The following LCP2 variants were observed in gnomAD, a reference collection of about 807,000 sequenced individuals.
The protein encoded by LCP2 is 76 kDa tyrosine phosphoprotein.
Under a neutral mutation model 74.5 loss-of-function variants are expected in LCP2, and 29 were observed. The ratio of observed to expected loss-of-function variants is 0.39; its 90% CI spans 0.29 to 0.53. The LOEUF is 0.53. Among genes scored for constraint, LCP2 ranks in the 20% least tolerant of loss-of-function variants. LCP2 has a pLI of 0.72. For missense variants in LCP2, 604 were observed against 634.6 expected (o/e 0.95, Z 0.52); for synonymous variants, 228 against 229.5 (o/e 0.99, Z 0.06).
At chr5:170,250,619 T>G (rs544815620) in intron 20 of LCP2, 111 bp downstream of exon 20, 2 of 827,700 alleles carry the variant, frequency 2.4e-6, no homozygotes, top group Non-Finnish European at 4.1e-6. Flanking sequence ...ACTCATGTGA[T>G]TTAATCCTAA....
At chr5:170,265,627 C>A (rs1414128711) in intron 10 of LCP2, among the ~76,000 whole-genome samples, 1 of 152,156 alleles carries the variant, frequency 6.6e-6, no homozygotes, top group African/African-American at 2.4e-5. Context: ...CTACAGCAGA[C>A]AATTCCAAGC....
intron 8 of LCP2, among the ~76,000 whole-genome samples, chr5:170,267,707 G>A (rs944282131): frequency 9.9e-5 from 15 of 151,946 alleles, no homozygotes; most frequent in African/African-American, 3.6e-4. Context: ...TATGAAAGCA[G>A]GGACCTTATT....
chr5:170,274,549 C>T lies in LCP2; in HGVS notation c.287-211G>A, dbSNP rs567379699. On this transcript the variant is annotated intron_variant, in intron 5 of 20. Transcript: ENST00000046794. ...ATTCTACCAGAGAACCAGGGGGTGG[C>T]GATGGTTCTCAACCTTTCTCGTGTG... Among the ~76,000 whole-genome samples, 19 of 152,220 alleles carry T rather than the reference C, an allele frequency of 1.2e-4. No individual in the cohort carries two copies. In the East Asian group the frequency reaches 3.1e-3, roughly 25 times the overall value.
intron 19 of LCP2, chr5:170,251,454 T>C (rs114200537): frequency 0.015 from 3,601 of 234,454 alleles, 43 homozygotes; most frequent in Middle Eastern, 0.042. Flanking sequence ...ACTGTTTTGA[T>C]TGTCCTGTAC....
chr5:170,266,233 A>G (rs971678460), intron 10 of LCP2, among the ~76,000 whole-genome samples: 1 of 152,228 alleles, frequency 6.6e-6, no homozygotes, highest in Non-Finnish European at 1.5e-5. Context: ...GCACTGTGGT[A>G]TACCCAATGT....
intron 3 of LCP2, among the ~76,000 whole-genome samples, chr5:170,286,938 C>T (rs1018357488): frequency 1.3e-5 from 2 of 152,172 alleles, no homozygotes; most frequent in Non-Finnish European, 2.9e-5. Flanking sequence ...ATATGTAGCC[C>T]TTAGGTGTGT....
chr5:170,275,763 A>G, intron 4 of LCP2, 32 bp downstream of exon 4: 4 of 1,552,620 alleles, frequency 2.6e-6, no homozygotes, highest in Non-Finnish European at 3.5e-6. Flanking sequence ...GGACTGAAAA[A>G]TCTTGCGTTT....
chr5:170,273,370 A>C (rs930107623), intron 6 of LCP2, among the ~76,000 whole-genome samples: 9 of 151,960 alleles, frequency 5.9e-5, no homozygotes, highest in Non-Finnish European at 8.8e-5. Flanking sequence ...AAATTCCTTC[A>C]TTTTCAGGTA....
rs1282354113 is a variant in LCP2, at chr5:170,248,464, T to A, written c.*233A>T. On this transcript the variant is annotated 3_prime_UTR_variant, in exon 21 of 21. Coordinates refer to ENST00000046794, the MANE Select transcript of LCP2 (RefSeq NM_005565.5). ...GAATTATTACAGTGCACTACTAGAC[T>A]TCAAGTGTGAACATGACTCATGCAC... is the stretch of plus-strand genomic sequence containing the variant. The A allele has an allele frequency of 4.8e-6, 2 of 420,918 alleles. No homozygotes were observed. The highest frequency in any genetic ancestry group is 4.3e-5 in the African/African-American group (2 of 46,992). 26.1% of individuals were successfully genotyped at this position (420,918 alleles called of 1,614,324 possible).
chr5:170,256,161 A>G lies in LCP2; in HGVS notation c.1150+365T>C, dbSNP rs1373712664. 2.0e-5 allele frequency among the ~76,000 whole-genome samples: 3 copies of G among 152,076 alleles called. No homozygotes were observed. Among genetic ancestry groups the G allele is most frequent in the African/African-American group, 7.2e-5 (3 of 41,410 alleles). The stretch of plus-strand genomic sequence containing the variant: ...TGGTGAAGTGTGTGTAGGTGTGTCC[A>G]TGTATGTATGTGTGTATGCATGTGC... On this transcript the variant is annotated intron_variant, in intron 17 of 20. Coordinates refer to ENST00000046794, the MANE Select transcript of LCP2 (RefSeq NM_005565.5). The surrounding 1 kb of genome is among the most constrained non-coding windows in gnomAD (Gnocchi z 4.5).
chr5:170,278,572 G>A (rs951259116), intron 3 of LCP2, among the ~76,000 whole-genome samples: 1 of 151,850 alleles, frequency 6.6e-6, no homozygotes, highest in Non-Finnish European at 1.5e-5. Context: ...AGGCCTCACT[G>A]AAGAGGTGAC....
At chr5:170,255,991 C>G (rs1221197536) in intron 17 of LCP2, among the ~76,000 whole-genome samples, 2 of 152,206 alleles carry the variant, frequency 1.3e-5, no homozygotes, top group Non-Finnish European at 2.9e-5. Flanking sequence ...TTTGAACATG[C>G]TCCCCAACTC....
chr5:170,248,610 C>T lies in LCP2; in HGVS notation c.*87G>A. 1.4e-6 allele frequency: 2 copies of T among 1,456,510 alleles called. No homozygotes were observed. The highest frequency in any genetic ancestry group is 1.9e-6 in the Non-Finnish European group (2 of 1,050,112). 90.2% of individuals were successfully genotyped at this position (1,456,510 alleles called of 1,614,324 possible). A position where few individuals can be genotyped will look rare whatever the true frequency, so the allele number is the denominator to read the frequency against. ...TCATGGGGAGGGGTTCAGTTCAGTC[C>T]TAAGTGTTTGTCCATTGACCAAGGC... On this transcript the variant is annotated 3_prime_UTR_variant, in exon 21 of 21. Coordinates refer to ENST00000046794, the MANE Select transcript of LCP2 (RefSeq NM_005565.5).
intron 3 of LCP2, among the ~76,000 whole-genome samples, chr5:170,281,357 G>C (rs1762097369): frequency 6.6e-6 from 1 of 151,984 alleles, no homozygotes; most frequent in South Asian, 2.1e-4. Context: ...TTGGCTCACT[G>C]CAAGTTCTGC....
chr5:170,267,338 T>C (rs1761784327), intron 8 of LCP2: 1 of 556,294 alleles, frequency 1.8e-6, no homozygotes, highest in South Asian at 2.2e-5. Flanking sequence ...AGAAACAAAA[T>C]TGAAACTCGT....
In LCP2 at chr5:170,272,597, C is replaced by CTTTTTTTTTTTTTT. The variant is rs61463939; in HGVS notation, c.324+1690_325-1681dup. ...ATAACTGTAACCCATCAAATATTTT[C>CTTTTTTTTTTTTTT]TTTTTTTTTTTTTTTTTTTTTTTTT... On this transcript the variant is annotated intron_variant, in intron 6 of 20. Coordinates refer to ENST00000046794, the MANE Select transcript of LCP2 (RefSeq NM_005565.5). 4.2e-3 allele frequency among the ~76,000 whole-genome samples: 169 copies of CTTTTTTTTTTTTTT among 40,354 alleles called. 51 individuals are homozygous for CTTTTTTTTTTTTTT. The highest frequency in any genetic ancestry group is 0.028 in the East Asian group (22 of 790). 26.5% of individuals were successfully genotyped at this position (40,354 alleles called of 152,430 possible).
At position 170,274,286 on chromosome 5, in the gene LCP2, C is replaced by T; in HGVS notation, c.324+15G>A. 1 of 1,612,630 alleles carries T rather than the reference C, an allele frequency of 6.2e-7. No individual in the cohort carries two copies. The highest frequency in any genetic ancestry group is 8.5e-7 in the Non-Finnish European group (1 of 1,179,356). On this transcript the variant is annotated intron_variant, in intron 6 of 20. Coordinates refer to ENST00000046794, the MANE Select transcript of LCP2 (RefSeq NM_005565.5). ...ACTGCTGTAAAGGTGCAAGAACAGC[C>T]CACACCATACTCACAAAGGACGACC... is the stretch of plus-strand genomic sequence containing the variant.
Position 170,268,390 on chromosome 5 carries a change from G to T in LCP2, c.616C>A (p.His206Asn), listed in dbSNP as rs1158350900. 6.8e-6 allele frequency: 5 copies of T among 731,064 alleles called. No individual in the cohort carries two copies. The highest frequency in any genetic ancestry group is 9.0e-6 in the Non-Finnish European group (5 of 556,504). 45.3% of individuals were successfully genotyped at this position (731,064 alleles called of 1,614,324 possible). The change falls in exon 8 of 21, where the codon CAC (histidine) becomes AAC (asparagine). Residue 206 changes from histidine (H) to asparagine (N), a missense_variant. Physicochemically the swap from His to Asn is moderately conservative, Grantham distance 68. Transcript: ENST00000046794. ...ALPPPPAGRN[H>N]SPLPPPQTNH... ...AAGAACGGGAGGAGGCCTACCGAGT[G>T]ATTCCGGCCGGCTGGTGGGGGCGGG...
chr5:170,258,018 T>G lies in LCP2; in HGVS notation c.1100+19A>C. The G allele has an allele frequency of 6.2e-7, 1 of 1,613,074 alleles. No homozygotes were observed. The highest frequency in any genetic ancestry group is 2.2e-5 in the East Asian group (1 of 44,872). On this transcript the variant is annotated intron_variant, in intron 16 of 20. Transcript: ENST00000046794. The stretch of plus-strand genomic sequence containing the variant: ...CTAAACATTATATTAAGCTAGAATT[T>G]CATGACAGAGCTACAAACCTTTCTG...
Sources: allele counts gnomAD v4.1 joint callset (sites outside exome capture counted in the v4.1 genomes callset), GRCh38; gene constraint gnomAD v4.1.1; non-coding constraint Gnocchi (gnomAD v3.1); transcripts MANE v1.5; gene names NCBI Gene and HGNC (gene_info 2026-07-23, HGNC 2026-07-21).